The following NRAP variants were observed in gnomAD, a reference collection of about 807,000 sequenced individuals.
NRAP encodes nebulin related anchoring protein, also known as nebulin-related-anchoring protein.
Under a neutral mutation model 225.9 loss-of-function variants are expected in NRAP, and 189 were observed. The ratio of observed to expected loss-of-function variants is 0.84; its 90% confidence interval spans 0.74 to 0.94. The LOEUF (loss-of-function observed/expected upper bound fraction) is 0.94, where lower values mean the gene tolerates loss of function less well. Ranked by LOEUF, NRAP falls within the 40% of genes least tolerant of loss-of-function variation. NRAP has a pLI of 0.00. For missense variants in NRAP, 2,176 were observed against 2,168.7 expected (o/e 1.00, Z -0.07); for synonymous variants, 769 against 790.7 (o/e 0.97, Z 0.46).
intron 17 of NRAP, 25 bp downstream of exon 17, chr10:113,631,832 C>T: frequency 7.0e-7 from 1 of 1,431,308 alleles, no homozygotes; most frequent in Non-Finnish European, 9.9e-7. Flanking sequence ...CTTATGCATT[C>T]CTGAGTTAAT....
At position 113,663,347 on chromosome 10, in the gene NRAP, C is replaced by G. The variant is rs1850811492; in HGVS notation, c.167+5G>C. On this transcript the variant is annotated splice_donor_5th_base_variant and intron_variant, in intron 2 of 41. Coordinates refer to ENST00000359988, the MANE Select transcript of NRAP (RefSeq NM_198060.4). ...GAGGTAGTGGTGGGGGCATCAAACA[C>G]TTACGCGTGACAGTACGGCTTTTTC... 1 of 1,581,528 alleles carries G rather than the reference C, an allele frequency of 6.3e-7. No individual in the cohort carries two copies. The highest frequency in any genetic ancestry group is 1.3e-5 in the African/African-American group (1 of 74,252).
chr10:113,647,003 G>A lies in NRAP; in HGVS notation c.913C>T (p.His305Tyr), dbSNP rs369333835. ...GQGYPEEYEE[H>Y]RGKGSFPAMI... Reference sequence around the variant, plus strand: ...GCTGGGAAGCTGCCCTTTCCCCTGTGCTCCTCATACTCCTCCGGGTAACCC... The same window carrying A: ...GCTGGGAAGCTGCCCTTTCCCCTGTACTCCTCATACTCCTCCGGGTAACCC... Residue 305 changes from histidine (H) to tyrosine (Y), a missense_variant, in exon 10 of 42, where the codon CAC becomes TAC. By Grantham distance (83) the His-to-Tyr change is moderately conservative (BLOSUM62 2). This residue lies in a region of NRAP where 1,708 missense variants were observed against 1,695.5 expected (regional missense o/e 1.01). Coordinates refer to ENST00000359988, the MANE Select transcript of NRAP (RefSeq NM_198060.4). The A allele has an allele frequency of 2.9e-5, 47 of 1,613,740 alleles. No individual in the cohort carries two copies. The highest frequency in any genetic ancestry group is 6.8e-6 in the Non-Finnish European group (8 of 1,179,800).
chr10:113,617,760 T>A (rs1448479671), intron 25 of NRAP, among the ~76,000 whole-genome samples: 1 of 152,208 alleles, frequency 6.6e-6, no homozygotes, highest in African/African-American at 2.4e-5. Context: ...ATTAAAGTAT[T>A]TCTACCTGGT....
At position 113,640,195 on chromosome 10, in the gene NRAP, A is replaced by G. The variant is rs1178847089; in HGVS notation, c.1428+32T>C. ...CCTCAGGAAGGAAGCGACAAGTGAC[A>G]AAGCAGAAAGAGCTGTTGGAAAAGA... is the stretch of plus-strand genomic sequence containing the variant. On this transcript the variant is annotated intron_variant, in intron 14 of 41. Coordinates refer to ENST00000359988, the MANE Select transcript of NRAP (RefSeq NM_198060.4). 4 of 1,291,666 alleles carry G rather than the reference A, an allele frequency of 3.1e-6. 1 individual carries two copies. The highest frequency in any genetic ancestry group is 3.8e-5 in the Admixed American group (2 of 52,456). 80.0% of individuals were successfully genotyped at this position (1,291,666 alleles called of 1,614,324 possible).
chr10:113,602,079 T>C (rs1353689310), intron 35 of NRAP, among the ~76,000 whole-genome samples: 2 of 152,162 alleles, frequency 1.3e-5, no homozygotes, highest in African/African-American at 4.8e-5. Flanking sequence ...GGTTTCATCA[T>C]GTTGCCCAGG....
In NRAP at chr10:113,624,833, A is replaced by T. The variant is rs1454261360; in HGVS notation, c.2342T>A (p.Leu781His). ...CACTCATTCTCTCTGTACCTCGCTG[A>T]GATTTGCAGCATTGGCTCGGGCCTG... ...FLQARANAAN[L>H]SEKLYKSSWE... Residue 781 changes from leucine (L) to histidine (H), a missense_variant, in exon 22 of 42, where the codon CTC becomes CAC. Coordinates refer to ENST00000359988, the MANE Select transcript of NRAP (RefSeq NM_198060.4). The T allele has an allele frequency of 1.2e-6, 2 of 1,612,778 alleles. No homozygotes were observed. Among genetic ancestry groups the T allele is most frequent in the African/African-American group, 1.3e-5 (1 of 74,904 alleles).
chr10:113,639,770 C>A (rs3121464), intron 14 of NRAP, among the ~76,000 whole-genome samples: 84,142 of 152,132 alleles, frequency 0.55, 24,519 homozygotes, highest in East Asian at 0.73. Flanking sequence ...GATACATATA[C>A]TTTTCCATGT....
At position 113,598,082 on chromosome 10, in the gene NRAP, A is replaced by G; in HGVS notation, c.4228-9T>C. On this transcript the variant is annotated splice_polypyrimidine_tract_variant and intron_variant, in intron 35 of 41. Coordinates refer to ENST00000359988, the MANE Select transcript of NRAP (RefSeq NM_198060.4). ...TCTGACTTGTAGCGCAACTGCAGGG[A>G]AAAAAATCATGGGCTTTATCAGGAG... is the stretch of plus-strand genomic sequence containing the variant. The G allele has an allele frequency of 6.3e-6, 10 of 1,587,502 alleles. No individual in the cohort carries two copies. The highest frequency in any genetic ancestry group is 8.7e-6 in the Non-Finnish European group (10 of 1,155,954).
chr10:113,638,886 T>C (rs1849030057), intron 14 of NRAP, among the ~76,000 whole-genome samples: 1 of 152,146 alleles, frequency 6.6e-6, no homozygotes, highest in South Asian at 2.1e-4. Context: ...TGTATCAGAC[T>C]TCCCCGGGTG....
At chr10:113,605,617 A>G in intron 34 of NRAP, 145 bp downstream of exon 34, 1 of 634,364 alleles carries the variant, frequency 1.6e-6, no homozygotes. Context: ...AAAGAATCTC[A>G]TTCATAACTA....
At chr10:113,593,733 A>G (rs1041113158) in intron 38 of NRAP, among the ~76,000 whole-genome samples, 20 of 152,246 alleles carry the variant, frequency 1.3e-4, no homozygotes, top group African/African-American at 4.6e-4. Context: ...CAAAGGTTAG[A>G]GTAGCAAATA....
Position 113,663,935 on chromosome 10 carries a change from G to A in NRAP, c.-53C>T. 1 of 1,370,758 alleles carries A rather than the reference G, an allele frequency of 7.3e-7. No homozygotes were observed. Among genetic ancestry groups the A allele is most frequent in the Non-Finnish European group, 1.0e-6 (1 of 958,914 alleles). 84.9% of individuals were successfully genotyped at this position (1,370,758 alleles called of 1,614,324 possible). A position where few individuals can be genotyped will look rare whatever the true frequency, so the allele number is the denominator to read the frequency against. ...ATAGGCAACAGGCAAGAAATGCAAG[G>A]AGAACCCCCAGTCTAGTTCAAGTCT... is the stretch of plus-strand genomic sequence containing the variant. On this transcript the variant is annotated 5_prime_UTR_variant, in exon 1 of 42. Coordinates refer to ENST00000359988, the MANE Select transcript of NRAP (RefSeq NM_198060.4).
At chr10:113,611,049 C>T (rs1471941288) in intron 30 of NRAP, among the ~76,000 whole-genome samples, 1 of 152,080 alleles carries the variant, frequency 6.6e-6, no homozygotes. Flanking sequence ...TGGGTGGGGG[C>T]CAGTCTGTGT....
chr10:113,602,041 A>G (rs191093971), intron 35 of NRAP, among the ~76,000 whole-genome samples: 1 of 152,234 alleles, frequency 6.6e-6, no homozygotes, highest in Admixed American at 6.5e-5. Context: ...GTGCACCACC[A>G]CACCCAGCTA....
At chr10:113,638,373 CTA>C (rs1458235024) in intron 14 of NRAP, among the ~76,000 whole-genome samples, 1 of 151,938 alleles carries the variant, frequency 6.6e-6, no homozygotes, top group African/African-American at 2.4e-5. Context: ...CATTTTAATT[CTA>C]TTAGTGTTTA....
Position 113,650,639 on chromosome 10 carries a change from C to G in NRAP, c.676-94G>C, listed in dbSNP as rs532707717. 2.7e-5 allele frequency: 22 copies of G among 825,428 alleles called. No homozygotes were observed. In the South Asian group the frequency reaches 3.2e-4, roughly 12 times the overall value. The allele number at this position is 825,428 out of a possible 1,614,324, so 51.1% of individuals were successfully genotyped here. On this transcript the variant is annotated intron_variant, in intron 7 of 41. Transcript: ENST00000359988. ...AAGGGTTCCATGACATCCTGCCCAT[C>G]TCCTGTCATAGCTCATAAGGCACAT...
At chr10:113,640,172 T>C in intron 14 of NRAP, 55 bp downstream of exon 14, 2 of 1,010,856 alleles carry the variant, frequency 2.0e-6, no homozygotes, top group Non-Finnish European at 3.1e-6. Context: ...AAATCACTCC[T>C]CAGGAAGGAA....
chr10:113,639,979 T>C (rs1720396252), intron 14 of NRAP, among the ~76,000 whole-genome samples: 1 of 152,236 alleles, frequency 6.6e-6, no homozygotes, highest in African/African-American at 2.4e-5. Context: ...GAGGAAAAAC[T>C]GAACCTCAGG....
intron 32 of NRAP, among the ~76,000 whole-genome samples, chr10:113,607,501 G>A (rs993363327): frequency 6.7e-5 from 10 of 149,650 alleles, no homozygotes; most frequent in African/African-American, 2.5e-4. Flanking sequence ...GTTGGCTAAC[G>A]CCAGAGGCCA....
Sources: allele counts gnomAD v4.1 joint callset (sites outside exome capture counted in the v4.1 genomes callset), GRCh38; gene constraint gnomAD v4.1.1; regional missense constraint gnomAD v4.1.1; transcripts MANE v1.5; gene names NCBI Gene and HGNC (gene_info 2026-07-23, HGNC 2026-07-21).